MAP3K2: variants seen among roughly 807,000 people sequenced by gnomAD.
The protein encoded by MAP3K2 is mitogen-activated protein kinase kinase kinase 2, also known as MAP/ERK kinase kinase 2.
Under a neutral mutation model 80.3 loss-of-function variants are expected in MAP3K2, and 24 were observed. The observed-to-expected ratio is 0.30, with a 90% CI of 0.22 to 0.42. The LOEUF (loss-of-function observed/expected upper bound fraction) is 0.42. Among genes scored for constraint, MAP3K2 ranks in the 10% least tolerant of loss-of-function variants. The probability of loss-of-function intolerance (pLI) is 1.00; values close to 1 mark genes in which losing one functional copy is unlikely to be tolerated. For missense variants in MAP3K2, 608 were observed against 750.1 expected (o/e 0.81, Z 2.21); for synonymous variants, 244 against 253.7 (o/e 0.96, Z 0.36).
chr2:127,317,856 T>C, intron 13 of MAP3K2, 96 bp from the exon 14 acceptor site: 1 of 1,169,890 alleles, frequency 8.5e-7, no homozygotes, highest in Admixed American at 2.7e-5. Flanking sequence ...ATTCTGAAAA[T>C]TTTAGTTCCC....
chr2:127,374,026 ATGCT>A (rs1687110008), intron 1 of MAP3K2, among the ~76,000 whole-genome samples: 1 of 152,148 alleles, frequency 6.6e-6, no homozygotes, highest in East Asian at 1.9e-4. Context: ...CCCATACCTA[ATGCT>A]TTAACATTGT....
Position 127,335,925 on chromosome 2 carries a change from G to T in MAP3K2, c.209C>A (p.Ser70Tyr). ...CTGTCCAAAGGCAATTTTAGCTTTA[G>T]ATCTCAGATCTTCCAGTTTAACTGG... ...PRPVKLEDLR[S>Y]KAKIAFGQSM... Residue 70 changes from serine to tyrosine, a missense_variant, in exon 5 of 17, where the codon TCT becomes TAT. Physicochemically the swap from Ser to Tyr is moderately radical, Grantham distance 144. This residue lies in a region of MAP3K2 where 467 missense variants were observed against 521.9 expected (regional missense o/e 0.89). Coordinates refer to ENST00000682094, the MANE Select transcript of MAP3K2 (RefSeq NM_001371910.2). 1 of 1,574,648 alleles carries T rather than the reference G, an allele frequency of 6.4e-7. No homozygotes were observed. Among genetic ancestry groups the T allele is most frequent in the Non-Finnish European group, 8.6e-7 (1 of 1,157,118 alleles).
chr2:127,381,274 G>C (rs1393069253), intron 1 of MAP3K2, among the ~76,000 whole-genome samples: 1 of 152,160 alleles, frequency 6.6e-6, no homozygotes, highest in Non-Finnish European at 1.5e-5. Context: ...ATGTATTTTA[G>C]TAGATCCACC....
intron 1 of MAP3K2, among the ~76,000 whole-genome samples, chr2:127,374,685 T>A (rs891381775): frequency 1.3e-4 from 20 of 152,238 alleles, no homozygotes; most frequent in Non-Finnish European, 4.4e-5. Flanking sequence ...ATTTAATTAG[T>A]ACTCATGCTC....
rs144528001 is a variant in MAP3K2 at position 127,338,674 on chromosome 2, T to C, written c.123+258A>G. 3.2e-4 allele frequency among the ~76,000 whole-genome samples: 49 copies of C among 152,352 alleles called. 1 individual carries two copies. The East Asian group carries it at 9.4e-3, about 29-fold the overall frequency. On this transcript the variant is annotated intron_variant, in intron 3 of 16. Coordinates refer to ENST00000682094, the MANE Select transcript of MAP3K2 (RefSeq NM_001371910.2). ...GAAAGGACATGATTTTGTTATTTAT[T>C]ATGGCTGCACAGAATTCCATGGTGT...
At chr2:127,379,356 T>C (rs552555524) in intron 1 of MAP3K2, among the ~76,000 whole-genome samples, 6 of 152,324 alleles carry the variant, frequency 3.9e-5, no homozygotes, top group Admixed American at 2.0e-4. Context: ...AAACATATTA[T>C]CTCACTTAAA....
At chr2:127,341,177 G>C (rs1686476967) in intron 2 of MAP3K2, among the ~76,000 whole-genome samples, 2 of 151,894 alleles carry the variant, frequency 1.3e-5, no homozygotes, top group African/African-American at 4.8e-5. Context: ...TTTTAGTAGA[G>C]ATGGGGTTTC....
intron 11 of MAP3K2, among the ~76,000 whole-genome samples, chr2:127,323,373 AAAAAG>A (rs1340441016): frequency 3.3e-5 from 5 of 149,508 alleles, no homozygotes; most frequent in Non-Finnish European, 7.4e-5. Flanking sequence ...GGGAAAAAAA[AAAAAG>A]AAAGAAAGAA....
chr2:127,307,344 A>G lies in MAP3K2; in HGVS notation c.*235T>C. 3.5e-6 allele frequency: 1 copy of G among 283,708 alleles called. No individual in the cohort carries two copies. Among genetic ancestry groups the G allele is most frequent in the East Asian group, 6.3e-5 (1 of 15,762 alleles). 17.6% of individuals were successfully genotyped at this position (283,708 alleles called of 1,614,324 possible). On this transcript the variant is annotated 3_prime_UTR_variant, in exon 17 of 17. Coordinates refer to ENST00000682094, the MANE Select transcript of MAP3K2 (RefSeq NM_001371910.2). This position sits in a 1 kb window ranked among gnomAD's most constrained non-coding sequence, Gnocchi z 5.4. ...TCTCTCTGAACCACATCAGTACATTATAAAAATTAAAAAAAAAAACTTCAA... is the reference window on the plus strand; with the variant it reads ...TCTCTCTGAACCACATCAGTACATTGTAAAAATTAAAAAAAAAAACTTCAA...
chr2:127,369,874 G>A lies in MAP3K2; in HGVS notation c.-66+17578C>T, dbSNP rs75395723. ...TTAACTAATTAACCAGTAATGTTCC[G>A]TGTAGGAGATCAGTCAGGGTGGTGG... On this transcript the variant is annotated intron_variant, in intron 1 of 16. Coordinates refer to ENST00000682094, the MANE Select transcript of MAP3K2 (RefSeq NM_001371910.2). 1.4e-3 allele frequency among the ~76,000 whole-genome samples: 213 copies of A among 152,256 alleles called. 2 individuals carry two copies. The highest frequency in any genetic ancestry group is 4.3e-3 in the African/African-American group (180 of 41,536).
At chr2:127,320,335 G>A (rs575510006) in intron 12 of MAP3K2, among the ~76,000 whole-genome samples, 1 of 152,242 alleles carries the variant, frequency 6.6e-6, no homozygotes, top group East Asian at 1.9e-4. Flanking sequence ...GAAAAACAAT[G>A]ACAGAAGTTA....
intron 1 of MAP3K2, among the ~76,000 whole-genome samples, chr2:127,377,834 C>T (rs767724194): frequency 2.0e-5 from 3 of 151,884 alleles, no homozygotes; most frequent in East Asian, 1.9e-4. Flanking sequence ...ACAAAGACAA[C>T]GTGAAAAAGG....
chr2:127,360,465 G>T, intron 1 of MAP3K2, among the ~76,000 whole-genome samples: 1 of 151,906 alleles, frequency 6.6e-6, no homozygotes, highest in East Asian at 1.9e-4. Context: ...AACTTTCAGA[G>T]ATGATGAATA....
In MAP3K2 at chr2:127,310,795, A is replaced by C. The variant is rs772098685; in HGVS notation, c.1457-2033T>G. On this transcript the variant is annotated intron_variant, in intron 15 of 16. Transcript: ENST00000682094. The surrounding 1 kb of genome is among the most constrained non-coding windows in gnomAD (Gnocchi z 4.8). ...TCTTTTATAAATCATTTCTCTTCTCATTTTTTTCCACATAGCCCTCATTAC... is the reference window on the plus strand; with the variant it reads ...TCTTTTATAAATCATTTCTCTTCTCCTTTTTTTCCACATAGCCCTCATTAC... 6.6e-6 allele frequency among the ~76,000 whole-genome samples: 1 copy of C among 151,242 alleles called. No individual in the cohort carries two copies. Among genetic ancestry groups the C allele is most frequent in the Non-Finnish European group, 1.5e-5 (1 of 67,754 alleles).
At chr2:127,331,903 G>A (rs988268451) in intron 5 of MAP3K2, among the ~76,000 whole-genome samples, 1 of 152,150 alleles carries the variant, frequency 6.6e-6, no homozygotes, top group African/African-American at 2.4e-5. Context: ...ACCATGCCCA[G>A]CCAAAAAAGT....
At position 127,376,678 on chromosome 2, in the gene MAP3K2, T is replaced by C. The variant is rs1207278197; in HGVS notation, c.-66+10774A>G. Among the ~76,000 whole-genome samples, 7 of 152,322 alleles carry C rather than the reference T, an allele frequency of 4.6e-5. No homozygotes were observed. The East Asian group carries it at 1.3e-3, about 29-fold the overall frequency. On this transcript the variant is annotated intron_variant, in intron 1 of 16. Coordinates refer to ENST00000682094, the MANE Select transcript of MAP3K2 (RefSeq NM_001371910.2). ...GCTGACCCTCAATGAATACATGGTATGAGCAAAACATACACCTTCTGTTGT... is the reference window on the plus strand; with the variant it reads ...GCTGACCCTCAATGAATACATGGTACGAGCAAAACATACACCTTCTGTTGT...
In MAP3K2 at chr2:127,373,488, A is replaced by C. The variant is rs866623826; in HGVS notation, c.-66+13964T>G. Among the ~76,000 whole-genome samples the C allele has an allele frequency of 3.3e-5, 5 of 152,322 alleles. No individual in the cohort carries two copies. The Middle Eastern group carries it at 0.014, about 414-fold the overall frequency. On this transcript the variant is annotated intron_variant, in intron 1 of 16. Transcript: ENST00000682094. ...GCTTTGCCCCACCCTAGGCATAACT[A>C]CTGATAAGTTACAAAACTTGTTTTC...
Position 127,318,186 on chromosome 2 carries a change from T to G in MAP3K2, c.1177A>C (p.Ser393Arg). 1 of 1,606,728 alleles carries G rather than the reference T, an allele frequency of 6.2e-7. No homozygotes were observed. The highest frequency in any genetic ancestry group is 8.5e-7 in the Non-Finnish European group (1 of 1,177,170). Residue 393 changes from serine to arginine, a missense_variant, in exon 13 of 17, where the codon AGT becomes CGT. Transcript: ENST00000682094. ...AVKQVQFDPD[S>R]PETSKEVNAL... Reference sequence around the variant, plus strand: ...ATTTTTACCTTGCTGGTCTCAGGACTATCGGGGTCAAATTGAACTTGCTTA... The same window carrying G: ...ATTTTTACCTTGCTGGTCTCAGGACGATCGGGGTCAAATTGAACTTGCTTA...
chr2:127,352,320 C>G (rs756827404), intron 1 of MAP3K2, among the ~76,000 whole-genome samples: 8 of 152,110 alleles, frequency 5.3e-5, no homozygotes, highest in Non-Finnish European at 7.3e-5. Context: ...GTTTAAATAC[C>G]GGTAGGCTAA....
Sources: allele counts gnomAD v4.1 joint callset (sites outside exome capture counted in the v4.1 genomes callset), GRCh38; gene constraint gnomAD v4.1.1; regional missense constraint gnomAD v4.1.1; non-coding constraint Gnocchi (gnomAD v3.1); transcripts MANE v1.5; gene names NCBI Gene and HGNC (gene_info 2026-07-23, HGNC 2026-07-21).